ATP6V0E1: variants seen among roughly 807,000 people sequenced by gnomAD.
ATP6V0E1 encodes V-type proton ATPase subunit e 1.
A neutral mutation model predicts 11.6 loss-of-function variants in ATP6V0E1; 4 were observed. The observed-to-expected ratio is 0.35, with a 90% CI of 0.17 to 0.79. The LOEUF (loss-of-function observed/expected upper bound fraction) is 0.79. Among genes scored for constraint, ATP6V0E1 ranks in the 30% least tolerant of loss-of-function variants. ATP6V0E1 has a pLI of 0.54. For synonymous variants in ATP6V0E1, 36 were observed against 34.8 expected (o/e 1.04, Z -0.13); for missense variants, 105 against 100.0 (o/e 1.05, Z -0.21).
chr5:173,006,954 G>A (rs1756239282), intron 2 of ATP6V0E1, among the ~76,000 whole-genome samples: 1 of 152,072 alleles, frequency 6.6e-6, no homozygotes. Context: ...CTTTATAATT[G>A]TTTCCTTTAT....
intron 2 of ATP6V0E1, among the ~76,000 whole-genome samples, chr5:173,001,612 GTGGTGGCTCACGCC>G (rs1418855063): frequency 3.9e-5 from 6 of 152,170 alleles, no homozygotes; most frequent in African/African-American, 1.4e-4. Flanking sequence ...GTAACCACAC[GTGGTGGCTCACGCC>G]TGTAATCGCA....
At chr5:173,007,694 G>A (rs1215117573) in intron 2 of ATP6V0E1, among the ~76,000 whole-genome samples, 3 of 152,160 alleles carry the variant, frequency 2.0e-5, no homozygotes, top group Admixed American at 2.0e-4. Flanking sequence ...CTAGGACTGA[G>A]GGAGAGTAAC....
chr5:173,028,697 G>A (rs985517907), intron 3 of ATP6V0E1, among the ~76,000 whole-genome samples: 1 of 152,234 alleles, frequency 6.6e-6, no homozygotes, highest in Non-Finnish European at 1.5e-5. Context: ...GAGAGGCTGA[G>A]TTACAGCACG....
intron 3 of ATP6V0E1, among the ~76,000 whole-genome samples, chr5:173,030,722 C>T (rs559171920): frequency 6.6e-6 from 1 of 152,042 alleles, no homozygotes; most frequent in South Asian, 2.1e-4. Context: ...AGGTGTGAGC[C>T]ACTGCACCTG....
intron 3 of ATP6V0E1, among the ~76,000 whole-genome samples, chr5:173,025,530 T>TTG: frequency 7.0e-6 from 1 of 142,608 alleles, no homozygotes; most frequent in Non-Finnish European, 1.5e-5. Context: ...TTTTTTTTTT[T>TTG]TGGAGACATG....
rs144845193 is a variant in ATP6V0E1 at position 173,001,249 on chromosome 5, A to G, written c.152+6427A>G. Among the ~76,000 whole-genome samples the G allele has an allele frequency of 8.6e-3, 1,314 of 152,252 alleles. 18 individuals carry two copies. The highest frequency in any genetic ancestry group is 0.03 in the African/African-American group (1,253 of 41,540). ...TAGACAACCCCCTGTCCTCTTTAAT[A>G]AGGAGAAGCAGATAAAACAAATCAA... On this transcript the variant is annotated intron_variant, in intron 2 of 3. Transcript: ENST00000519374.
At chr5:173,010,771 C>G (rs73803701) in intron 2 of ATP6V0E1, among the ~76,000 whole-genome samples, 1 of 152,184 alleles carries the variant, frequency 6.6e-6, no homozygotes, top group African/African-American at 2.4e-5. Context: ...GGCCAGACTT[C>G]CCCATTCCAG....
chr5:173,005,274 T>TC (rs1458977208), intron 2 of ATP6V0E1, among the ~76,000 whole-genome samples: 4 of 152,220 alleles, frequency 2.6e-5, no homozygotes, highest in African/African-American at 9.6e-5. Context: ...TATCTCCATG[T>TC]CCAGCCTCAT....
intron 2 of ATP6V0E1, among the ~76,000 whole-genome samples, chr5:173,005,621 A>C (rs190192792): frequency 6.6e-6 from 1 of 152,302 alleles, no homozygotes; most frequent in Admixed American, 6.5e-5. Context: ...AAATAATCAA[A>C]ATTTTATCTT....
chr5:172,989,720 G>A (rs1016998707), intron 1 of ATP6V0E1, among the ~76,000 whole-genome samples: 4 of 152,064 alleles, frequency 2.6e-5, no homozygotes, highest in African/African-American at 9.7e-5. Flanking sequence ...TAGAGATGGG[G>A]TTTTGCCATG....
intron 2 of ATP6V0E1, among the ~76,000 whole-genome samples, chr5:173,005,273 G>A (rs931278410): frequency 6.6e-6 from 1 of 151,740 alleles, no homozygotes; most frequent in East Asian, 1.9e-4. Context: ...GTATCTCCAT[G>A]TCCAGCCTCA....
intron 1 of ATP6V0E1, chr5:172,986,823 C>G: frequency 2.4e-6 from 1 of 414,860 alleles, no homozygotes; most frequent in South Asian, 1.8e-5. Flanking sequence ...GAGTCTCACT[C>G]TGTCGCCAGG....
At chr5:173,030,597 T>A (rs1395546389) in intron 3 of ATP6V0E1, among the ~76,000 whole-genome samples, 1 of 151,784 alleles carries the variant, frequency 6.6e-6, no homozygotes, top group Non-Finnish European at 1.5e-5. Context: ...TGTGCCACCA[T>A]ACCCGGCTAA....
chr5:173,030,478 T>C (rs1483138509), intron 3 of ATP6V0E1, among the ~76,000 whole-genome samples: 1 of 151,124 alleles, frequency 6.6e-6, no homozygotes, highest in African/African-American at 2.4e-5. Flanking sequence ...TCTCACTCTG[T>C]TGCCCAGGCT....
At chr5:173,001,800 C>A (rs922045131) in intron 2 of ATP6V0E1, among the ~76,000 whole-genome samples, 2 of 151,488 alleles carry the variant, frequency 1.3e-5, no homozygotes, top group Admixed American at 1.3e-4. Flanking sequence ...CTCACTGCAA[C>A]CTCTGCCACC....
At chr5:173,003,870 A>T (rs1033064892) in intron 2 of ATP6V0E1, among the ~76,000 whole-genome samples, 38 of 152,318 alleles carry the variant, frequency 2.5e-4, no homozygotes, top group African/African-American at 9.1e-4. Context: ...ATTTGAGGCC[A>T]TGAGAACACA....
intron 3 of ATP6V0E1, 60 bp downstream of exon 3, chr5:173,020,427 T>A: frequency 9.5e-7 from 1 of 1,051,460 alleles, no homozygotes; most frequent in East Asian, 2.5e-5. Flanking sequence ...TTGCCTTGAC[T>A]TTTTCTCACA....
At chr5:173,006,438 G>A (rs1394488275) in intron 2 of ATP6V0E1, among the ~76,000 whole-genome samples, 4 of 152,042 alleles carry the variant, frequency 2.6e-5, no homozygotes, top group African/African-American at 9.7e-5. Context: ...GTGAAACTCC[G>A]TCTCTACTAA....
At chr5:173,000,073 AC>A (rs1391301094) in intron 2 of ATP6V0E1, among the ~76,000 whole-genome samples, 1 of 152,174 alleles carries the variant, frequency 6.6e-6, no homozygotes, top group African/African-American at 2.4e-5. Flanking sequence ...AGTAAGGCAC[AC>A]CCAAAGAGAC....
Sources: gnomAD v4.1 joint callset for allele counts (sites outside exome capture counted in the v4.1 genomes callset) on GRCh38, gnomAD v4.1.1 for gene constraint, MANE v1.5 for transcripts, NCBI Gene and HGNC (gene_info 2026-07-23, HGNC 2026-07-21) for gene names.